The following EPHA5 variants were observed in gnomAD, a reference collection of about 807,000 sequenced individuals.
The protein encoded by EPHA5 is EPH receptor A5, also known as ephrin type-A receptor 5.
Under a neutral mutation model 105.0 loss-of-function variants are expected in EPHA5, and 60 were observed. That is an observed-to-expected ratio of 0.57 (90% CI 0.46 to 0.71). EPHA5 has a LOEUF of 0.71. Ranked by LOEUF, EPHA5 falls within the 30% of genes least tolerant of loss-of-function variation. The pLI, the probability that EPHA5 is intolerant of heterozygous loss-of-function variation, is 0.00. For missense variants in EPHA5, 1,218 were observed against 1,274.7 expected, an observed-to-expected ratio of 0.96 and a Z score of 0.68; for synonymous variants, 513 against 449.1, an observed-to-expected ratio of 1.14 and a Z score of -1.80.
chr4:65,519,616 A>G (rs1240132919), intron 3 of EPHA5, among the ~76,000 whole-genome samples: 2 of 152,146 alleles, frequency 1.3e-5, no homozygotes, highest in Non-Finnish European at 2.9e-5. Context: ...ATGTTTGTAT[A>G]TTTACAAAAC....
intron 5 of EPHA5, among the ~76,000 whole-genome samples, chr4:65,461,233 C>T (rs984194398): frequency 6.6e-6 from 1 of 151,904 alleles, no homozygotes; most frequent in African/African-American, 2.4e-5. Flanking sequence ...GTGATGAAGA[C>T]TTTAAGTGAA....
intron 5 of EPHA5, among the ~76,000 whole-genome samples, chr4:65,447,147 T>C (rs903295634): frequency 1.3e-5 from 2 of 151,830 alleles, no homozygotes; most frequent in South Asian, 2.1e-4. Flanking sequence ...CCACCACACC[T>C]GGCTAATTTT....
intron 7 of EPHA5, among the ~76,000 whole-genome samples, chr4:65,411,170 C>G (rs1390086279): frequency 2.0e-5 from 3 of 151,806 alleles, no homozygotes; most frequent in Non-Finnish European, 4.4e-5. Context: ...TAAACTAAAG[C>G]ATGGCAGAGG....
intron 8 of EPHA5, among the ~76,000 whole-genome samples, chr4:65,377,765 C>A (rs1229247818): frequency 1.3e-5 from 2 of 151,822 alleles, no homozygotes; most frequent in Non-Finnish European, 2.9e-5. Flanking sequence ...GTAATAAATC[C>A]AGGAAATACA....
At chr4:65,587,021 T>TTTTTGC (rs1430141606) in intron 3 of EPHA5, among the ~76,000 whole-genome samples, 1 of 152,148 alleles carries the variant, frequency 6.6e-6, no homozygotes, top group African/African-American at 2.4e-5. Flanking sequence ...GATATTTTTA[T>TTTTTGC]TTTTGCTTTT....
chr4:65,353,178 G>A (rs13130387), intron 11 of EPHA5, 75 bp from the exon 12 acceptor site: 12,202 of 551,632 alleles, frequency 0.022, 136 homozygotes, highest in Non-Finnish European at 0.027. Context: ...TTACCCAGAA[G>A]TTTTTATTAG....
chr4:65,660,789 AC>A (rs959176518), intron 1 of EPHA5, among the ~76,000 whole-genome samples: 2 of 145,778 alleles, frequency 1.4e-5, no homozygotes, highest in African/African-American at 4.9e-5. Flanking sequence ...AAGATACAGG[AC>A]CCTCAAGGAC....
rs11546775 is a variant in EPHA5, at chr4:65,573,772, G to T, written c.910+27869C>A. 3.0e-3 allele frequency: 4,852 copies of T among 1,612,462 alleles called. 116 individuals carry two copies. In the African/African-American group the frequency reaches 0.056, roughly 18 times the overall value. The stretch of plus-strand genomic sequence containing the variant: ...GGTGGTGACAAGAACGGCGGTACCC[G>T]GGTGGTTAAACTTCGCAAAATGCCT... On this transcript the variant is annotated intron_variant, in intron 3 of 16. Coordinates refer to ENST00000613740, the MANE Select transcript of EPHA5 (RefSeq NM_001281766.3).
chr4:65,517,973 A>G (rs1734271046), intron 3 of EPHA5, among the ~76,000 whole-genome samples: 1 of 151,992 alleles, frequency 6.6e-6, no homozygotes, highest in African/African-American at 2.4e-5. Flanking sequence ...TTTGTAAGCA[A>G]ACTCATATTA....
chr4:65,354,274 C>T (rs534218070), intron 11 of EPHA5, among the ~76,000 whole-genome samples: 1 of 151,832 alleles, frequency 6.6e-6, no homozygotes, highest in African/African-American at 2.4e-5. Flanking sequence ...TGTAAGTTGA[C>T]CAAGAGAATA....
At chr4:65,618,816 C>T (rs7439912) in intron 2 of EPHA5, among the ~76,000 whole-genome samples, 5,581 of 152,218 alleles carry the variant, frequency 0.037, 167 homozygotes, top group Middle Eastern at 0.079. Context: ...TAAAATACAT[C>T]CTTGTCCTCA....
chr4:65,387,944 T>C (rs552564436), intron 8 of EPHA5, among the ~76,000 whole-genome samples: 4 of 113,952 alleles, frequency 3.5e-5, no homozygotes, highest in South Asian at 7.4e-4. Context: ...ATTAGGTATA[T>C]CTCCTAATGC....
chr4:65,588,451 C>A (rs889124374), intron 3 of EPHA5, among the ~76,000 whole-genome samples: 1 of 152,134 alleles, frequency 6.6e-6, no homozygotes, highest in African/African-American at 2.4e-5. Context: ...ATGAAAATAA[C>A]TATGATCTCC....
intron 3 of EPHA5, among the ~76,000 whole-genome samples, chr4:65,519,814 T>A (rs1463255964): frequency 6.6e-6 from 1 of 151,998 alleles, no homozygotes; most frequent in Non-Finnish European, 1.5e-5. Context: ...GGAATCCAAC[T>A]TACAAGTGAT....
At chr4:65,359,101 C>T (rs910898600) in intron 11 of EPHA5, among the ~76,000 whole-genome samples, 50 of 151,726 alleles carry the variant, frequency 3.3e-4, no homozygotes, top group Admixed American at 1.6e-3. Context: ...AACTGTCAAT[C>T]TGCAAGTCAG....
intron 3 of EPHA5, among the ~76,000 whole-genome samples, chr4:65,565,312 G>T (rs1023573616): frequency 4.0e-5 from 6 of 151,520 alleles, no homozygotes; most frequent in Non-Finnish European, 5.9e-5. Context: ...TTTAACAGTG[G>T]TGCCCAATAT....
chr4:65,340,617 C>T (rs1721621534), intron 14 of EPHA5, among the ~76,000 whole-genome samples: 1 of 152,124 alleles, frequency 6.6e-6, no homozygotes. Flanking sequence ...GACCAGGTGA[C>T]ATCCTATGAT....
chr4:65,323,205 G>T lies in EPHA5; in HGVS notation c.*909C>A. On this transcript the variant is annotated 3_prime_UTR_variant, in exon 17 of 17. Transcript: ENST00000613740. Reference sequence around the variant, plus strand: ...TACACATTTCCTTTTAGTGAATAAAGAGATTAGCTTTTGGACACATGAGAG... The same window carrying T: ...TACACATTTCCTTTTAGTGAATAAATAGATTAGCTTTTGGACACATGAGAG... 1 of 228,964 alleles carries T rather than the reference G, an allele frequency of 4.4e-6. No homozygotes were observed. The highest frequency in any genetic ancestry group is 6.2e-5 in the East Asian group (1 of 16,172). 14.2% of individuals were successfully genotyped at this position (228,964 alleles called of 1,614,324 possible).
At chr4:65,658,768 A>G (rs1749288761) in intron 1 of EPHA5, among the ~76,000 whole-genome samples, 1 of 151,992 alleles carries the variant, frequency 6.6e-6, no homozygotes, top group Non-Finnish European at 1.5e-5. Context: ...TGTTTTTACA[A>G]TTTTGCTATA....
Sources: gnomAD v4.1 joint callset for allele counts (sites outside exome capture counted in the v4.1 genomes callset) on GRCh38, gnomAD v4.1.1 for gene constraint, MANE v1.5 for transcripts, NCBI Gene and HGNC (gene_info 2026-07-23, HGNC 2026-07-21) for gene names.